NAV3: variants seen among roughly 807,000 people sequenced by gnomAD.
NAV3 encodes the protein neuron navigator 3, also known as pore membrane and/or filament interacting like protein 1.
In NAV3, 87 loss-of-function variants were observed where a neutral mutation model predicts 244.7. The observed-to-expected ratio is 0.36, with a 90% CI of 0.30 to 0.42. NAV3 has a LOEUF of 0.42. Among genes scored for constraint, NAV3 ranks in the 20% least tolerant of loss-of-function variants. The probability of loss-of-function intolerance (pLI) is 1.00; values close to 1 mark genes in which losing one functional copy is unlikely to be tolerated. For missense variants in NAV3, 2,663 were observed against 2,893.3 expected, an observed-to-expected ratio of 0.92 and a Z score of 1.83; for synonymous variants, 1,126 against 1,042.2, an observed-to-expected ratio of 1.08 and a Z score of -1.55.
chr12:78,059,122 C>T lies in NAV3; in HGVS notation c.2636+7C>T, dbSNP rs2137410829. 2 of 1,608,228 alleles carry T rather than the reference C, an allele frequency of 1.2e-6. No homozygotes were observed. The highest frequency in any genetic ancestry group is 1.3e-5 in the African/African-American group (1 of 74,722). On this transcript the variant is annotated splice_region_variant and intron_variant, in intron 12 of 39. Coordinates refer to ENST00000397909, the MANE Select transcript of NAV3 (RefSeq NM_001024383.2). ...TGACAGTGGATGCAGACAGGTAATG[C>T]TATCAGCATATATGATGGTGAGACA... is the stretch of plus-strand genomic sequence containing the variant.
At chr12:77,629,199 T>C (rs1412507885) in intron 2 of NAV3, among the ~76,000 whole-genome samples, 5 of 152,248 alleles carry the variant, frequency 3.3e-5, no homozygotes, top group Admixed American at 1.3e-4. Flanking sequence ...ATAAATATTG[T>C]CTTTCTTTAC....
rs2138704482 is a variant in NAV3, at chr12:78,122,373, G to A, written c.4183G>A (p.Glu1395Lys). The change falls in exon 16 of 40, where the codon GAG becomes AAG. Residue 1395 changes from glutamate to lysine, a missense_variant. Around this residue, in one of 6 missense-constraint regions of NAV3, gnomAD observed 354 missense variants for 413.0 expected, o/e 0.86. Transcript: ENST00000397909. ...SLSGLTTGTH[E>K]VQSLLMRTGS... is the part of the protein sequence containing the mutation. ...GTCTGGACTGACCACAGGCACTCAC[G>A]AGGTCCAGAGCCTGCTCATGAGAAC... 1.2e-6 allele frequency: 2 copies of A among 1,613,628 alleles called. No homozygotes were observed. The highest frequency in any genetic ancestry group is 1.7e-6 in the Non-Finnish European group (2 of 1,179,880).
At chr12:78,148,472 A>G (rs1209521953) in intron 21 of NAV3, among the ~76,000 whole-genome samples, 5 of 152,156 alleles carry the variant, frequency 3.3e-5, no homozygotes, top group African/African-American at 9.6e-5. Flanking sequence ...CAAGAAAAAT[A>G]TGTGTGTATA....
chr12:77,820,388 C>G (rs1013907243), intron 2 of NAV3, among the ~76,000 whole-genome samples: 11 of 152,082 alleles, frequency 7.2e-5, no homozygotes, highest in Non-Finnish European at 1.6e-4. Flanking sequence ...CTGGCTGCAT[C>G]TTCATATGTT....
At chr12:77,572,071 T>C (rs17043893) in exon 2 of NAV3, 2,294 of 154,498 alleles carry the variant, frequency 0.015, 71 homozygotes, top group African/African-American at 0.052. Flanking sequence ...TTGGAGTCGA[T>C]GAAGTTCGGA....
At chr12:77,784,903 T>C (rs1870834010) in intron 2 of NAV3, among the ~76,000 whole-genome samples, 1 of 152,214 alleles carries the variant, frequency 6.6e-6, no homozygotes, top group African/African-American at 2.4e-5. Context: ...CTTTGGTTAC[T>C]GAAGCAGTTC....
At chr12:77,940,172 T>C in intron 1 of NAV3, 147 bp from the exon 2 acceptor site, 1 of 630,428 alleles carries the variant, frequency 1.6e-6, no homozygotes, top group South Asian at 2.1e-5. Flanking sequence ...AAAATTACTT[T>C]ACAACTATTT....
intron 9 of NAV3, among the ~76,000 whole-genome samples, chr12:78,022,378 T>C (rs1440646765): frequency 6.6e-6 from 1 of 152,190 alleles, no homozygotes. Flanking sequence ...GATGCTCAGC[T>C]TGAGCACAAT....
chr12:77,598,520 C>A (rs181475365), intron 2 of NAV3, among the ~76,000 whole-genome samples: 2 of 152,048 alleles, frequency 1.3e-5, no homozygotes, highest in African/African-American at 4.8e-5. Flanking sequence ...GATTGTCCTT[C>A]AGAAATCCTG....
At chr12:77,732,009 A>G (rs1877147355) in intron 2 of NAV3, among the ~76,000 whole-genome samples, 1 of 151,936 alleles carries the variant, frequency 6.6e-6, no homozygotes, top group Non-Finnish European at 1.5e-5. Context: ...ACGAGTCGGT[A>G]GAAAGGAAGA....
intron 13 of NAV3, 87 bp from the exon 14 acceptor site, chr12:78,117,940 A>G: frequency 8.0e-7 from 1 of 1,248,818 alleles, no homozygotes; most frequent in South Asian, 2.0e-5. Context: ...GGATTTATCC[A>G]GTTATCTGAA....
intron 2 of NAV3, among the ~76,000 whole-genome samples, chr12:77,735,726 G>T (rs776023022): frequency 6.6e-6 from 1 of 152,040 alleles, no homozygotes; most frequent in Non-Finnish European, 1.5e-5. Flanking sequence ...ATTGGATTTT[G>T]CAAGGAGCAT....
intron 1 of NAV3, among the ~76,000 whole-genome samples, chr12:77,873,773 TAACAGC>T (rs1881433934): frequency 2.3e-5 from 3 of 128,604 alleles, no homozygotes; most frequent in Non-Finnish European, 3.3e-5. Context: ...TATATGTATA[TAACAGC>T]ATATGCATTA....
chr12:77,817,055 T>G (rs942883827), intron 2 of NAV3, among the ~76,000 whole-genome samples: 1 of 152,242 alleles, frequency 6.6e-6, no homozygotes, highest in Non-Finnish European at 1.5e-5. Context: ...TTTTGACTTT[T>G]TATTCTATTT....
intron 2 of NAV3, among the ~76,000 whole-genome samples, chr12:77,640,397 G>C (rs1308331944): frequency 6.6e-6 from 1 of 152,072 alleles, no homozygotes; most frequent in Non-Finnish European, 1.5e-5. Context: ...AACATAAATT[G>C]ATATCTTTTC....
chr12:77,758,426 A>G (rs1459783373), intron 2 of NAV3, among the ~76,000 whole-genome samples: 1 of 152,212 alleles, frequency 6.6e-6, no homozygotes, highest in Non-Finnish European at 1.5e-5. Flanking sequence ...TACATGAAAT[A>G]TATAATCTGT....
chr12:78,082,341 C>G (rs1953400566), intron 12 of NAV3, among the ~76,000 whole-genome samples: 1 of 152,152 alleles, frequency 6.6e-6, no homozygotes, highest in Admixed American at 6.5e-5. Context: ...ATTATATTTT[C>G]AAATATAAAT....
intron 2 of NAV3, among the ~76,000 whole-genome samples, chr12:77,676,243 C>T (rs1374122024): frequency 6.6e-6 from 1 of 151,942 alleles, no homozygotes; most frequent in Non-Finnish European, 1.5e-5. Flanking sequence ...CTCTCCCTTC[C>T]CTTGCCCCCC....
chr12:77,685,494 C>CAA (rs375586088), intron 2 of NAV3, among the ~76,000 whole-genome samples: 102,348 of 148,806 alleles, frequency 0.69, 36,120 homozygotes, highest in East Asian at 0.98. Flanking sequence ...CACACACACA[C>CAA]ACACACACAC....
Sources: gnomAD v4.1 joint callset for allele counts (sites outside exome capture counted in the v4.1 genomes callset) on GRCh38, gnomAD v4.1.1 for gene constraint, gnomAD v4.1.1 regional missense constraint, MANE v1.5 for transcripts, NCBI Gene and HGNC (gene_info 2026-07-23, HGNC 2026-07-21) for gene names.